Variants in AKAP13 observed in about 807,000 individuals in gnomAD.
The protein encoded by AKAP13 is A-kinase anchor protein 13.
Under a neutral mutation model 264.5 loss-of-function variants are expected in AKAP13, and 80 were observed. That is an observed-to-expected ratio of 0.30 (90% CI 0.25 to 0.36). The LOEUF (loss-of-function observed/expected upper bound fraction) is 0.36, where lower values mean the gene tolerates loss of function less well. Ranked by LOEUF, AKAP13 falls within the 10% of genes least tolerant of loss-of-function variation. The pLI, the probability that AKAP13 is intolerant of heterozygous loss-of-function variation, is 1.00. For synonymous variants in AKAP13, 1,380 were observed against 1,250.2 expected, an observed-to-expected ratio of 1.10 and a Z score of -2.19; for missense variants, 3,712 against 3,435.2, an observed-to-expected ratio of 1.08 and a Z score of -2.01.
At chr15:85,398,878 A>G (rs924696847) in intron 1 of AKAP13, among the ~76,000 whole-genome samples, 11 of 152,174 alleles carry the variant, frequency 7.2e-5, no homozygotes, top group Non-Finnish European at 1.5e-4. Flanking sequence ...ATTTCCTTGT[A>G]TGAACTTAAG....
rs368253006 is a variant in AKAP13 at position 85,658,622 on chromosome 15, A to G, written c.4799+32A>G. On this transcript the variant is annotated intron_variant, in intron 12 of 36. Coordinates refer to ENST00000394518, the MANE Select transcript of AKAP13 (RefSeq NM_007200.5). ...AGTTCATTAACTTGATGGACTAACC[A>G]TGTCACCTCTGAGCATATACTAACA... The G allele has an allele frequency of 5.7e-6, 9 of 1,587,894 alleles. No individual in the cohort carries two copies. In the East Asian group the frequency reaches 6.7e-5, roughly 12 times the overall value.
intron 5 of AKAP13, among the ~76,000 whole-genome samples, chr15:85,567,889 CTAGT>C (rs1309788314): frequency 6.6e-6 from 1 of 151,152 alleles, no homozygotes; most frequent in African/African-American, 2.4e-5. Context: ...AGCTTCTGTT[CTAGT>C]TAGAGAGCTG....
At chr15:85,482,823 T>C (rs1383011674) in intron 1 of AKAP13, among the ~76,000 whole-genome samples, 3 of 152,218 alleles carry the variant, frequency 2.0e-5, no homozygotes, top group African/African-American at 4.8e-5. Context: ...ATTGTGGAAG[T>C]CTGAAAGCAA....
intron 1 of AKAP13, among the ~76,000 whole-genome samples, chr15:85,478,203 A>G (rs902341874): frequency 6.6e-6 from 1 of 152,256 alleles, no homozygotes; most frequent in African/African-American, 2.4e-5. Flanking sequence ...TCAATAACTT[A>G]GTACATGTAA....
At chr15:85,383,586 T>C (rs554349694) in intron 1 of AKAP13, among the ~76,000 whole-genome samples, 1 of 152,196 alleles carries the variant, frequency 6.6e-6, no homozygotes, top group Admixed American at 6.5e-5. Context: ...GACTTGTGAG[T>C]CTTATCGAAG....
At chr15:85,483,961 C>T (rs936412287) in intron 1 of AKAP13, among the ~76,000 whole-genome samples, 10 of 152,042 alleles carry the variant, frequency 6.6e-5, no homozygotes, top group Non-Finnish European at 1.0e-4. Context: ...CAAGATTGGA[C>T]GACACTCTTT....
At chr15:85,456,017 CTT>C (rs938354990) in intron 1 of AKAP13, among the ~76,000 whole-genome samples, 1 of 152,176 alleles carries the variant, frequency 6.6e-6, no homozygotes. Context: ...AAAAAGCACT[CTT>C]TTATATACTT....
chr15:85,736,064 TTATATG>T lies in AKAP13; in HGVS notation c.7513-22_7513-17del. 6.5e-7 allele frequency: 1 copy of T among 1,546,840 alleles called. No homozygotes were observed. On this transcript the variant is annotated intron_variant, in intron 32 of 36. Coordinates refer to ENST00000394518, the MANE Select transcript of AKAP13 (RefSeq NM_007200.5). ...TTTTTGCATCAAGATCTTCATTTTTTTATATGTATGTTTTTTGTTTTATAGGGTGGA... is the reference window on the plus strand; with the variant it reads ...TTTTTGCATCAAGATCTTCATTTTTTTATGTTTTTTGTTTTATAGGGTGGA...
At chr15:85,738,046 C>T (rs1159357022) in intron 33 of AKAP13, among the ~76,000 whole-genome samples, 2 of 152,152 alleles carry the variant, frequency 1.3e-5, no homozygotes, top group African/African-American at 4.8e-5. Flanking sequence ...ATGGATTAGA[C>T]ACTATAAATG....
intron 4 of AKAP13, among the ~76,000 whole-genome samples, chr15:85,539,791 T>C (rs1344043827): frequency 6.6e-6 from 1 of 152,152 alleles, no homozygotes; most frequent in Non-Finnish European, 1.5e-5. Context: ...CAATTAAGTA[T>C]GGTTAAACAG....
At chr15:85,571,072 C>T (rs1444490133) in intron 5 of AKAP13, among the ~76,000 whole-genome samples, 1 of 151,540 alleles carries the variant, frequency 6.6e-6, no homozygotes, top group Non-Finnish European at 1.5e-5. Context: ...TAATGTTTGG[C>T]ATTAGAGGAA....
intron 14 of AKAP13, among the ~76,000 whole-genome samples, chr15:85,673,888 T>C (rs1464222703): frequency 3.3e-5 from 5 of 151,760 alleles, no homozygotes; most frequent in South Asian, 4.2e-4. Context: ...AGATGGGGTT[T>C]TACCATGTTA....
chr15:85,443,671 T>C (rs895857858), intron 1 of AKAP13, among the ~76,000 whole-genome samples: 1 of 152,134 alleles, frequency 6.6e-6, no homozygotes, highest in Non-Finnish European at 1.5e-5. Context: ...TGCTGTCTTA[T>C]ATGCGGTTCG....
At position 85,580,909 on chromosome 15, in the gene AKAP13, G is replaced by T; in HGVS notation, c.2841G>T (p.Leu947Phe). 1 of 1,614,190 alleles carries T rather than the reference G, an allele frequency of 6.2e-7. No individual in the cohort carries two copies. The highest frequency in any genetic ancestry group is 1.1e-5 in the South Asian group (1 of 91,084). The change falls in exon 7 of 37, where the codon TTG (leucine) becomes TTT (phenylalanine). Residue 947 changes from leucine (L) to phenylalanine (F), a missense_variant. Around this residue, in one of 3 missense-constraint regions of AKAP13, gnomAD observed 2,759 missense variants for 2,411.7 expected, o/e 1.14. Transcript: ENST00000394518. ...IKENALSSGT[L>F]QEEQRTPPPG... The stretch of plus-strand genomic sequence containing the variant: ...AAAATGCTCTCTCTTCAGGAACTTT[G>T]CAGGAAGAGCAGAGAACACCACCTC...
intron 29 of AKAP13, among the ~76,000 whole-genome samples, chr15:85,729,303 G>C (rs1274619066): frequency 1.3e-5 from 2 of 151,862 alleles, no homozygotes; most frequent in African/African-American, 4.8e-5. Flanking sequence ...GGCTGAACAA[G>C]ACTCTGTCTC....
intron 8 of AKAP13, among the ~76,000 whole-genome samples, chr15:85,631,149 T>G (rs1168045577): frequency 2.6e-5 from 4 of 152,118 alleles, no homozygotes; most frequent in African/African-American, 9.7e-5. Flanking sequence ...TCAAAAACAT[T>G]TTGCTAAGTG....
rs1453326774 is a variant in AKAP13 at position 85,727,090 on chromosome 15, T to C, written c.6847T>C (p.Leu2283=). 6.2e-7 allele frequency: 1 copy of C among 1,614,176 alleles called. No homozygotes were observed. Among genetic ancestry groups the C allele is most frequent in the Non-Finnish European group, 8.5e-7 (1 of 1,180,024 alleles). The part of the protein sequence containing the change: ...SLDQKSTVIS[L]KKLIVREVAH... ...GGACCAGAAGTCAACAGTGATCTCT[T>C]TAAAGAAGCTGATTGTGAGAGAAGT... is the stretch of plus-strand genomic sequence containing the variant. The change falls in exon 28 of 37, where the codon TTA becomes CTA. Residue 2283 remains leucine (L), a synonymous_variant. Coordinates refer to ENST00000394518, the MANE Select transcript of AKAP13 (RefSeq NM_007200.5). This position sits in a 1 kb window ranked among gnomAD's most constrained non-coding sequence, Gnocchi z 5.3.
At chr15:85,703,510 CTT>C (rs989589313) in intron 17 of AKAP13, among the ~76,000 whole-genome samples, 5 of 152,162 alleles carry the variant, frequency 3.3e-5, no homozygotes, top group African/African-American at 1.2e-4. Context: ...TATAAGCACT[CTT>C]AGTCCAGATA....
intron 17 of AKAP13, among the ~76,000 whole-genome samples, chr15:85,707,322 G>A (rs1177635216): frequency 6.6e-6 from 1 of 152,172 alleles, no homozygotes; most frequent in Non-Finnish European, 1.5e-5. Flanking sequence ...AAGGAATTGA[G>A]ATAAAATGCT....
Sources: allele counts gnomAD v4.1 joint callset (sites outside exome capture counted in the v4.1 genomes callset), GRCh38; gene constraint gnomAD v4.1.1; regional missense constraint gnomAD v4.1.1; non-coding constraint Gnocchi (gnomAD v3.1); transcripts MANE v1.5; gene names NCBI Gene and HGNC (gene_info 2026-07-23, HGNC 2026-07-21).